Variants in ERC2 observed in about 807,000 individuals in gnomAD.
ERC2 encodes ERC protein 2.
ERC2 carries 42 observed loss-of-function variants against 114.8 expected under a neutral mutation model. The observed-to-expected ratio is 0.37, with a 90% CI of 0.29 to 0.47. The LOEUF (loss-of-function observed/expected upper bound fraction) is 0.47, where lower values mean the gene tolerates loss of function less well. ERC2 is among the 20% of genes least tolerant of loss of function. The probability of loss-of-function intolerance (pLI) is 0.99; values close to 1 mark genes in which losing one functional copy is unlikely to be tolerated. For missense variants in ERC2, 939 were observed against 1,150.7 expected (o/e 0.82, Z 2.66); for synonymous variants, 454 against 425.5 (o/e 1.07, Z -0.82).
chr3:55,547,187 G>A (rs1214644884), intron 17 of ERC2, among the ~76,000 whole-genome samples: 1 of 152,226 alleles, frequency 6.6e-6, no homozygotes, highest in Non-Finnish European at 1.5e-5. Context: ...GCACTCTGCT[G>A]ATGCCCAGGG....
chr3:55,892,774 T>C (rs903800038), intron 13 of ERC2, among the ~76,000 whole-genome samples: 4 of 152,112 alleles, frequency 2.6e-5, no homozygotes, highest in Non-Finnish European at 5.9e-5. Context: ...TGATGAGAAT[T>C]TTCTTTTGTA....
At chr3:55,763,139 C>A in intron 14 of ERC2, among the ~76,000 whole-genome samples, 1 of 152,206 alleles carries the variant, frequency 6.6e-6, no homozygotes, top group East Asian at 1.9e-4. Flanking sequence ...GATAGGAAAG[C>A]ACTGGCAAAT....
intron 2 of ERC2, among the ~76,000 whole-genome samples, chr3:56,303,582 C>T (rs1259601403): frequency 1.3e-5 from 2 of 152,126 alleles, no homozygotes; most frequent in Non-Finnish European, 2.9e-5. Flanking sequence ...CTTTTCAAAG[C>T]ATAGTTGAGC....
At chr3:56,063,113 G>A (rs1359906091) in intron 7 of ERC2, among the ~76,000 whole-genome samples, 3 of 152,122 alleles carry the variant, frequency 2.0e-5, no homozygotes, top group Admixed American at 6.6e-5. Context: ...AGCCAGACAC[G>A]AAAGTCTATC....
At chr3:55,579,926 C>G (rs79910541) in intron 17 of ERC2, among the ~76,000 whole-genome samples, 1 of 152,158 alleles carries the variant, frequency 6.6e-6, no homozygotes, top group Admixed American at 6.5e-5. Flanking sequence ...TTAAATCCTG[C>G]TTCAAGTATC....
chr3:56,106,457 G>A (rs1165256013), intron 6 of ERC2, among the ~76,000 whole-genome samples: 1 of 152,184 alleles, frequency 6.6e-6, no homozygotes, highest in African/African-American at 2.4e-5. Context: ...ATTCTTCACT[G>A]TCCTGTTGTC....
chr3:56,368,184 T>TA (rs779938850), intron 2 of ERC2, among the ~76,000 whole-genome samples: 3,306 of 87,964 alleles, frequency 0.038, 43 homozygotes, highest in South Asian at 0.088. Flanking sequence ...TCTTTTTTTT[T>TA]TAAAAAAAAA....
At chr3:56,311,274 T>C (rs2056555321) in intron 2 of ERC2, among the ~76,000 whole-genome samples, 1 of 135,450 alleles carries the variant, frequency 7.4e-6, no homozygotes, top group Non-Finnish European at 1.6e-5. Context: ...TATATATATA[T>C]ATATATATAT....
At chr3:55,813,089 G>C (rs1220824074) in intron 14 of ERC2, among the ~76,000 whole-genome samples, 2 of 152,174 alleles carry the variant, frequency 1.3e-5, no homozygotes, top group African/African-American at 4.8e-5. Flanking sequence ...CCGAAGCACA[G>C]AAAAACCAAG....
chr3:56,229,274 T>C (rs1575962691), intron 3 of ERC2, among the ~76,000 whole-genome samples: 1 of 152,196 alleles, frequency 6.6e-6, no homozygotes, highest in Non-Finnish European at 1.5e-5. Context: ...ATAAACTCCA[T>C]GAGGGCAAGT....
rs576556627 is a variant in ERC2 at position 55,760,855 on chromosome 3, G to T, written c.2565-25937C>A. The stretch of plus-strand genomic sequence containing the variant: ...AATGAAATACGGCAAATGTTAGTGG[G>T]TCAGGGGTGCCTTGATTTGTTTCTA... On this transcript the variant is annotated intron_variant, in intron 14 of 17. Coordinates refer to ENST00000288221, the MANE Select transcript of ERC2 (RefSeq NM_015576.3). Among the ~76,000 whole-genome samples, 36 of 152,324 alleles carry T rather than the reference G, an allele frequency of 2.4e-4. No homozygotes were observed. The South Asian group carries it at 5.8e-3, about 25-fold the overall frequency.
chr3:56,263,986 G>T (rs1172652016), intron 3 of ERC2, among the ~76,000 whole-genome samples: 1 of 151,986 alleles, frequency 6.6e-6, no homozygotes, highest in Non-Finnish European at 1.5e-5. Context: ...TGGGATGCAA[G>T]GTTGATTTAA....
intron 17 of ERC2, among the ~76,000 whole-genome samples, chr3:55,523,679 A>G (rs572403729): frequency 4.3e-4 from 66 of 152,310 alleles, no homozygotes; most frequent in Non-Finnish European, 6.9e-4. Flanking sequence ...AGGACAGGCT[A>G]TGTGTGTCTT....
intron 6 of ERC2, among the ~76,000 whole-genome samples, chr3:56,096,759 A>G (rs1313458631): frequency 6.6e-6 from 1 of 152,168 alleles, no homozygotes; most frequent in African/African-American, 2.4e-5. Flanking sequence ...AAGTGCTCCA[A>G]ACAAAATGTC....
At chr3:55,711,680 G>A (rs1412250555) in intron 15 of ERC2, among the ~76,000 whole-genome samples, 2 of 152,182 alleles carry the variant, frequency 1.3e-5, no homozygotes, top group African/African-American at 4.8e-5. Flanking sequence ...TATAATAAGT[G>A]TTTGTTGAAT....
chr3:55,714,010 T>C (rs1327217632), intron 15 of ERC2, among the ~76,000 whole-genome samples: 2 of 152,224 alleles, frequency 1.3e-5, no homozygotes, highest in Non-Finnish European at 2.9e-5. Flanking sequence ...ATCTTAGTGA[T>C]TGCTGATTTT....
At chr3:55,517,068 G>A (rs1167658575) in intron 17 of ERC2, among the ~76,000 whole-genome samples, 1 of 152,176 alleles carries the variant, frequency 6.6e-6, no homozygotes, top group African/African-American at 2.4e-5. Flanking sequence ...TCCTAAACCT[G>A]TCTTTTGTGT....
intron 17 of ERC2, among the ~76,000 whole-genome samples, chr3:55,610,118 G>GTTTTA (rs2058839330): frequency 6.9e-6 from 1 of 144,228 alleles, no homozygotes; most frequent in Non-Finnish European, 1.5e-5. Flanking sequence ...TTTTAACCTT[G>GTTTTA]ACACTTGAAG....
intron 14 of ERC2, among the ~76,000 whole-genome samples, chr3:55,748,745 G>A (rs2066471258): frequency 6.6e-6 from 1 of 152,114 alleles, no homozygotes; most frequent in Admixed American, 6.5e-5. Context: ...CATCCCGAAT[G>A]CCTAGTATAA....
Sources: allele counts gnomAD v4.1 joint callset (sites outside exome capture counted in the v4.1 genomes callset), GRCh38; gene constraint gnomAD v4.1.1; transcripts MANE v1.5; gene names NCBI Gene and HGNC (gene_info 2026-07-23, HGNC 2026-07-21).